NARS2: variants seen among roughly 807,000 people sequenced by gnomAD.
NARS2 encodes the protein asparaginyl-tRNA synthetase 2, mitochondrial, also known as asparaginyl-tRNA synthetase.
Under a neutral mutation model 62.9 loss-of-function variants are expected in NARS2, and 60 were observed. The ratio of observed to expected loss-of-function variants is 0.95; its 90% CI spans 0.77 to 1.18. The LOEUF (loss-of-function observed/expected upper bound fraction) is 1.18. Among genes scored for constraint, NARS2 ranks in the 50% most tolerant of loss-of-function variants. NARS2 has a pLI of 0.00. For missense variants in NARS2, 619 were observed against 576.4 expected (o/e 1.07, Z -0.76); for synonymous variants, 196 against 200.0 (o/e 0.98, Z 0.17).
At chr11:78,493,666 C>T (rs1052783056) in intron 6 of NARS2, among the ~76,000 whole-genome samples, 6 of 127,410 alleles carry the variant, frequency 4.7e-5, no homozygotes, top group Non-Finnish European at 8.5e-5. Context: ...AATAAATGAA[C>T]AAACAAACAA....
intron 11 of NARS2, among the ~76,000 whole-genome samples, chr11:78,464,401 T>C (rs1456501487): frequency 1.3e-5 from 2 of 152,316 alleles, no homozygotes; most frequent in African/African-American, 2.4e-5. Context: ...TTTTATTCTC[T>C]TATCTGGCCC....
chr11:78,545,896 T>G (rs1855855415), intron 5 of NARS2, among the ~76,000 whole-genome samples: 1 of 152,192 alleles, frequency 6.6e-6, no homozygotes, highest in South Asian at 2.1e-4. Flanking sequence ...CAATTTAAAC[T>G]AGAATCTCTC....
At chr11:78,463,123 G>A (rs1858460578) in intron 11 of NARS2, among the ~76,000 whole-genome samples, 1 of 152,116 alleles carries the variant, frequency 6.6e-6, no homozygotes, top group African/African-American at 2.4e-5. Flanking sequence ...GGAGCACAGT[G>A]ACACCATTAT....
chr11:78,477,316 C>A (rs1434790188), intron 9 of NARS2, among the ~76,000 whole-genome samples: 2 of 152,188 alleles, frequency 1.3e-5, no homozygotes, highest in Admixed American at 6.5e-5. Flanking sequence ...TGAAAAGCAT[C>A]TCAATCTTAA....
intron 6 of NARS2, among the ~76,000 whole-genome samples, chr11:78,493,502 C>T (rs1283937380): frequency 6.6e-6 from 1 of 151,846 alleles, no homozygotes; most frequent in African/African-American, 2.4e-5. Context: ...ACAAAAAATC[C>T]TTTAAAATAG....
intron 7 of NARS2, among the ~76,000 whole-genome samples, chr11:78,492,446 T>C (rs944035755): frequency 2.0e-5 from 3 of 152,180 alleles, no homozygotes; most frequent in Non-Finnish European, 2.9e-5. Flanking sequence ...TTTTCCAATT[T>C]AGAACTCTTG....
At chr11:78,483,211 A>C in intron 7 of NARS2, among the ~76,000 whole-genome samples, 1 of 152,174 alleles carries the variant, frequency 6.6e-6, no homozygotes, top group East Asian at 1.9e-4. Flanking sequence ...GAAAACTCTC[A>C]ATAAACTAGG....
At chr11:78,563,851 A>AATAT (rs1335259135) in intron 4 of NARS2, among the ~76,000 whole-genome samples, 1,100 of 33,896 alleles carry the variant, frequency 0.032, 62 homozygotes, top group African/African-American at 0.092. Context: ...AAAAAAAAAA[A>AATAT]ATATATATAT....
intron 5 of NARS2, among the ~76,000 whole-genome samples, chr11:78,544,940 AC>A (rs1373537728): frequency 6.6e-6 from 1 of 152,094 alleles, no homozygotes; most frequent in African/African-American, 2.4e-5. Flanking sequence ...AGATCGCGCC[AC>A]TGCACTCCAG....
chr11:78,526,594 T>A (rs1448356447), intron 6 of NARS2, among the ~76,000 whole-genome samples: 2 of 152,154 alleles, frequency 1.3e-5, no homozygotes, highest in African/African-American at 4.8e-5. Context: ...AACATTTGAA[T>A]GACAGTAGTA....
chr11:78,523,334 G>GCCATTATTA (rs1861194138), intron 6 of NARS2, among the ~76,000 whole-genome samples: 1 of 152,188 alleles, frequency 6.6e-6, no homozygotes, highest in African/African-American at 2.4e-5. Flanking sequence ...TTGCAAGGAT[G>GCCATTATTA]TGGAGAAACT....
chr11:78,551,774 C>G (rs778913053), intron 5 of NARS2, among the ~76,000 whole-genome samples: 1 of 152,042 alleles, frequency 6.6e-6, no homozygotes, highest in Admixed American at 6.5e-5. Flanking sequence ...TTGCTTTAAC[C>G]TGGGAGGTGG....
chr11:78,478,389 TA>T, intron 9 of NARS2, 48 bp downstream of exon 9: 1 of 827,840 alleles, frequency 1.2e-6, no homozygotes, highest in South Asian at 2.6e-5. Context: ...TATAGTGTGA[TA>T]AATACAGTGA....
chr11:78,489,656 A>T (rs567498119), intron 7 of NARS2, among the ~76,000 whole-genome samples: 1 of 152,198 alleles, frequency 6.6e-6, no homozygotes, highest in Non-Finnish European at 1.5e-5. Context: ...ATACCAAAAG[A>T]TAACTCCACT....
At chr11:78,564,595 T>G (rs1470578111) in intron 4 of NARS2, among the ~76,000 whole-genome samples, 1 of 152,182 alleles carries the variant, frequency 6.6e-6, no homozygotes, top group Admixed American at 6.5e-5. Flanking sequence ...AGTCTACTTG[T>G]CAATACCACC....
At chr11:78,564,264 C>G (rs1002685654) in intron 4 of NARS2, among the ~76,000 whole-genome samples, 1 of 152,238 alleles carries the variant, frequency 6.6e-6, no homozygotes, top group East Asian at 1.9e-4. Context: ...GGCACAAACA[C>G]GGATCACTGC....
intron 6 of NARS2, among the ~76,000 whole-genome samples, chr11:78,510,457 A>C (rs914254716): frequency 4.6e-5 from 7 of 152,200 alleles, no homozygotes; most frequent in Non-Finnish European, 2.9e-5. Context: ...CTAATGATGG[A>C]CCATCAAATA....
At chr11:78,445,741 G>T (rs1257979417) in intron 11 of NARS2, among the ~76,000 whole-genome samples, 1 of 152,116 alleles carries the variant, frequency 6.6e-6, no homozygotes, top group Non-Finnish European at 1.5e-5. Flanking sequence ...CTTGAGGCCA[G>T]GAATTTGAGA....
chr11:78,493,795 G>C (rs1241030906), intron 6 of NARS2, among the ~76,000 whole-genome samples: 1 of 152,068 alleles, frequency 6.6e-6, no homozygotes. Context: ...ACTTCTGGGT[G>C]CACTCTACTG....
Sources: gnomAD v4.1 joint callset for allele counts (sites outside exome capture counted in the v4.1 genomes callset) on GRCh38, gnomAD v4.1.1 for gene constraint, MANE v1.5 for transcripts, NCBI Gene and HGNC (gene_info 2026-07-23, HGNC 2026-07-21) for gene names.